Variants in DCC observed in about 807,000 individuals in gnomAD.
DCC encodes netrin receptor DCC.
DCC carries 58 observed loss-of-function variants against 172.5 expected under a neutral mutation model. The observed-to-expected ratio is 0.34, with a 90% CI of 0.27 to 0.42. The LOEUF (loss-of-function observed/expected upper bound fraction) is 0.42, where lower values mean the gene tolerates loss of function less well. Among genes scored for constraint, DCC ranks in the 10% least tolerant of loss-of-function variants. The pLI is 1.00. For missense variants in DCC, 1,740 were observed against 1,791.0 expected (o/e 0.97, Z 0.51); for synonymous variants, 709 against 644.5 (o/e 1.10, Z -1.52).
intron 1 of DCC, among the ~76,000 whole-genome samples, chr18:52,475,107 C>A (rs1989056767): frequency 6.6e-6 from 1 of 152,194 alleles, no homozygotes; most frequent in African/African-American, 2.4e-5. Context: ...GACATCTAAT[C>A]ATTGAAATTC....
At chr18:52,535,442 G>T (rs540897923) in intron 1 of DCC, among the ~76,000 whole-genome samples, 1 of 152,242 alleles carries the variant, frequency 6.6e-6, no homozygotes, top group East Asian at 1.9e-4. Flanking sequence ...ATCCCATTTT[G>T]TATACAGCTA....
intron 5 of DCC, among the ~76,000 whole-genome samples, chr18:52,989,380 G>A (rs539794678): frequency 5.3e-5 from 8 of 152,028 alleles, no homozygotes; most frequent in South Asian, 2.1e-4. Context: ...AAAATTAGCC[G>A]GGCATGGTAG....
chr18:52,543,490 A>C (rs1221040200), intron 1 of DCC, among the ~76,000 whole-genome samples: 1 of 152,190 alleles, frequency 6.6e-6, no homozygotes, highest in Non-Finnish European at 1.5e-5. Flanking sequence ...CCAACCTTGA[A>C]TTGCTGTAAT....
chr18:53,489,940 AATAG>A lies in DCC; in HGVS notation c.3898+2987_3898+2990del, dbSNP rs1208701876. Among the ~76,000 whole-genome samples the A allele has an allele frequency of 2.6e-5, 4 of 152,326 alleles. No individual in the cohort carries two copies. In the South Asian group the frequency reaches 8.3e-4, roughly 32 times the overall value. On this transcript the variant is annotated intron_variant, in intron 26 of 28. Coordinates refer to ENST00000442544, the MANE Select transcript of DCC (RefSeq NM_005215.4). Reference sequence around the variant, plus strand: ...TGCATTGTATTTGAAAACTTCAACCAATAGATAGTCTTGGGGCCTCATTTCTACA... The same window carrying A: ...TGCATTGTATTTGAAAACTTCAACCAATAGTCTTGGGGCCTCATTTCTACA...
chr18:52,693,520 C>T (rs2145017173), intron 1 of DCC, among the ~76,000 whole-genome samples: 1 of 150,024 alleles, frequency 6.7e-6, no homozygotes, highest in South Asian at 2.1e-4. Context: ...TAACATATAT[C>T]CCAGCTTTTC....
intron 1 of DCC, among the ~76,000 whole-genome samples, chr18:52,594,346 C>T (rs1006396198): frequency 6.6e-6 from 1 of 152,160 alleles, no homozygotes; most frequent in African/African-American, 2.4e-5. Context: ...ATTGTTTAGG[C>T]TATTTTTCCA....
At chr18:53,394,860 G>C (rs1463203171) in intron 17 of DCC, among the ~76,000 whole-genome samples, 2 of 152,132 alleles carry the variant, frequency 1.3e-5, no homozygotes. Context: ...CTAAGGCTCA[G>C]GCTGGGCTCA....
rs145345659 is a variant in DCC, at chr18:52,439,088, C to T, written c.91+98210C>T. ...AAAAGGTAAATTCGAAATTAATACA[C>T]GTTTTCCTCCAGGTTTGGTTTATGA... On this transcript the variant is annotated intron_variant, in intron 1 of 28. Transcript: ENST00000442544. 1.5e-3 allele frequency among the ~76,000 whole-genome samples: 232 copies of T among 151,966 alleles called. 1 individual carries two copies. Among genetic ancestry groups the T allele is most frequent in the African/African-American group, 5.3e-3 (221 of 41,446 alleles).
intron 7 of DCC, among the ~76,000 whole-genome samples, chr18:53,078,024 AAG>A (rs1335191572): frequency 6.6e-6 from 1 of 152,216 alleles, no homozygotes; most frequent in Non-Finnish European, 1.5e-5. Flanking sequence ...TAGTTTAACA[AAG>A]AGTAAATTCG....
intron 2 of DCC, among the ~76,000 whole-genome samples, chr18:52,779,462 C>T (rs8099637): frequency 0.38 from 27,285 of 71,126 alleles, 2,623 homozygotes; most frequent in Middle Eastern, 0.44. Context: ...ACTTCATCCA[C>T]GTCCCTGCAA....
intron 1 of DCC, among the ~76,000 whole-genome samples, chr18:52,405,665 T>C (rs1201762030): frequency 6.6e-6 from 1 of 151,094 alleles, no homozygotes; most frequent in Non-Finnish European, 1.5e-5. Context: ...CTCAAGGAAA[T>C]AAAAGAGGAT....
intron 1 of DCC, among the ~76,000 whole-genome samples, chr18:52,682,750 A>G (rs1339437257): frequency 6.6e-6 from 1 of 151,966 alleles, no homozygotes; most frequent in African/African-American, 2.4e-5. Context: ...AGTGAGGTGG[A>G]TAATGACTGG....
chr18:53,167,366 T>G (rs556174220), intron 8 of DCC, among the ~76,000 whole-genome samples: 1 of 152,204 alleles, frequency 6.6e-6, no homozygotes, highest in Non-Finnish European at 1.5e-5. Context: ...ACAGGAGATT[T>G]TCTATTTTTT....
chr18:52,802,474 C>T lies in DCC; in HGVS notation c.412+50100C>T, dbSNP rs776918855. Among the ~76,000 whole-genome samples the T allele has an allele frequency of 3.0e-3, 224 of 74,370 alleles. 1 individual carries two copies. Among genetic ancestry groups the T allele is most frequent in the Non-Finnish European group, 5.5e-3 (168 of 30,650 alleles). 48.8% of individuals were successfully genotyped at this position (74,370 alleles called of 152,430 possible). On this transcript the variant is annotated intron_variant, in intron 2 of 28. Coordinates refer to ENST00000442544, the MANE Select transcript of DCC (RefSeq NM_005215.4). ...AAAACCCATATATAACTTTTTACTC[C>T]CAGCAATTTTTTTTTTTTGAGACAA...
intron 2 of DCC, among the ~76,000 whole-genome samples, chr18:52,897,263 T>G (rs543662553): frequency 6.6e-6 from 1 of 152,324 alleles, no homozygotes; most frequent in African/African-American, 2.4e-5. Flanking sequence ...AAAGACTTAG[T>G]TGATGGCCTT....
In DCC at chr18:52,949,341, A is replaced by T. The variant is rs879943685; in HGVS notation, c.985+23971A>T. On this transcript the variant is annotated intron_variant, in intron 5 of 28. Transcript: ENST00000442544. ...TACACATAAACTGCTGGTAAAAGAAAAGTGAAGGGCATTTCTTGGAAATGG... is the reference window on the plus strand; with the variant it reads ...TACACATAAACTGCTGGTAAAAGAATAGTGAAGGGCATTTCTTGGAAATGG... 7.2e-5 allele frequency among the ~76,000 whole-genome samples: 11 copies of T among 152,288 alleles called. 1 individual carries two copies. Among genetic ancestry groups the T allele is most frequent in the Admixed American group, 7.2e-4 (11 of 15,288 alleles).
chr18:53,426,076 C>T (rs1910917961), intron 21 of DCC, among the ~76,000 whole-genome samples: 1 of 151,616 alleles, frequency 6.6e-6, no homozygotes, highest in Admixed American at 6.6e-5. Flanking sequence ...CCTAATAAAT[C>T]AAGACAGATC....
chr18:53,277,768 A>G (rs1436119299), intron 12 of DCC, among the ~76,000 whole-genome samples: 1 of 152,140 alleles, frequency 6.6e-6, no homozygotes, highest in East Asian at 1.9e-4. Context: ...ATCAGCAGCC[A>G]TGCTGTCATA....
intron 5 of DCC, among the ~76,000 whole-genome samples, chr18:52,952,137 T>C (rs926197966): frequency 2.6e-5 from 4 of 152,244 alleles, no homozygotes; most frequent in Admixed American, 6.5e-5. Flanking sequence ...TGATCTTTCA[T>C]ATTCCAAATG....
Sources: gnomAD v4.1 joint callset for allele counts (sites outside exome capture counted in the v4.1 genomes callset) on GRCh38, gnomAD v4.1.1 for gene constraint, MANE v1.5 for transcripts, NCBI Gene and HGNC (gene_info 2026-07-23, HGNC 2026-07-21) for gene names.